MAP2K6: variants seen among roughly 807,000 people sequenced by gnomAD.
MAP2K6 encodes the protein dual specificity mitogen-activated protein kinase kinase 6.
In MAP2K6, 16 loss-of-function variants were observed where a neutral mutation model predicts 53.7. That is an observed-to-expected ratio of 0.30 (90% CI 0.20 to 0.45). The LOEUF is 0.45. Ranked by LOEUF, MAP2K6 falls within the 20% of genes least tolerant of loss-of-function variation. MAP2K6 has a pLI of 1.00. For missense variants in MAP2K6, 204 were observed against 411.9 expected (o/e 0.50, Z 4.37); for synonymous variants, 132 against 143.1 (o/e 0.92, Z 0.55).
At chr17:69,496,131 A>G (rs1389306545) in intron 1 of MAP2K6, among the ~76,000 whole-genome samples, 1 of 152,010 alleles carries the variant, frequency 6.6e-6, no homozygotes, top group East Asian at 1.9e-4. Context: ...AACCCATTTG[A>G]GCACTTTTAT....
chr17:69,453,098 G>A (rs1173766103), intron 1 of MAP2K6, among the ~76,000 whole-genome samples: 1 of 152,200 alleles, frequency 6.6e-6, no homozygotes, highest in African/African-American at 2.4e-5. Flanking sequence ...ATTACCTGAT[G>A]ACGCAGAGCA....
rs1385618951 is a variant in MAP2K6, at chr17:69,494,722, T to G, written c.17-11058T>G. 6.6e-6 allele frequency among the ~76,000 whole-genome samples: 1 copy of G among 151,660 alleles called. No individual in the cohort carries two copies. Among genetic ancestry groups the G allele is most frequent in the Non-Finnish European group, 1.5e-5 (1 of 67,884 alleles). On this transcript the variant is annotated intron_variant, in intron 1 of 11. Coordinates refer to ENST00000590474, the MANE Select transcript of MAP2K6 (RefSeq NM_002758.4). This position sits in a 1 kb window ranked among gnomAD's most constrained non-coding sequence, Gnocchi z 4.2. ...GGTGATCAGAGTGCTATTAAAATTG[T>G]GGGCCGGGCGTGGTGGCTCATGCCT...
intron 1 of MAP2K6, among the ~76,000 whole-genome samples, chr17:69,417,906 A>G (rs1905955980): frequency 6.6e-6 from 1 of 152,214 alleles, no homozygotes; most frequent in Non-Finnish European, 1.5e-5. Flanking sequence ...TTCACCTTTA[A>G]AAAATATTAG....
chr17:69,465,033 G>C (rs1039772054), intron 1 of MAP2K6, among the ~76,000 whole-genome samples: 1 of 152,002 alleles, frequency 6.6e-6, no homozygotes, highest in African/African-American at 2.4e-5. Context: ...ATTTATTTAA[G>C]AGAATAAATA....
chr17:69,488,854 G>C (rs1908643040), intron 1 of MAP2K6, among the ~76,000 whole-genome samples: 1 of 152,110 alleles, frequency 6.6e-6, no homozygotes, highest in South Asian at 2.1e-4. Context: ...CCAAACCTCA[G>C]CATCATAAAA....
intron 1 of MAP2K6, among the ~76,000 whole-genome samples, chr17:69,436,860 C>T (rs1338244206): frequency 6.6e-6 from 1 of 151,608 alleles, no homozygotes; most frequent in Non-Finnish European, 1.5e-5. Flanking sequence ...CTCACTCTGT[C>T]ACCCAGGCTG....
rs186326832 is a variant in MAP2K6 at position 69,449,034 on chromosome 17, G to A, written c.16+34034G>A. Among the ~76,000 whole-genome samples the A allele has an allele frequency of 2.6e-3, 389 of 152,288 alleles. 2 individuals are homozygous for A. The highest frequency in any genetic ancestry group is 9.1e-3 in the African/African-American group (380 of 41,560). On this transcript the variant is annotated intron_variant, in intron 1 of 11. Transcript: ENST00000590474. ...TTGAAAGGGATACTACCGATCTTTC[G>A]ATGACAGTGGAGAAAAGCTGTAAAG...
chr17:69,485,017 G>A (rs1334532426), intron 1 of MAP2K6, among the ~76,000 whole-genome samples: 1 of 151,976 alleles, frequency 6.6e-6, no homozygotes, highest in African/African-American at 2.4e-5. Flanking sequence ...TGTGATGATG[G>A]TTGCACAGCT....
intron 1 of MAP2K6, among the ~76,000 whole-genome samples, chr17:69,476,359 C>T (rs191417569): frequency 5.3e-5 from 8 of 152,162 alleles, no homozygotes; most frequent in East Asian, 1.9e-4. Flanking sequence ...ATTCCAGGGC[C>T]GGGGCGTGAA....
intron 1 of MAP2K6, among the ~76,000 whole-genome samples, chr17:69,455,119 C>T (rs1907362405): frequency 1.3e-5 from 2 of 151,462 alleles, no homozygotes; most frequent in Admixed American, 1.3e-4. Context: ...TTTTTAATGC[C>T]TATTGCAACT....
At chr17:69,440,382 G>T (rs1906778410) in intron 1 of MAP2K6, among the ~76,000 whole-genome samples, 1 of 152,072 alleles carries the variant, frequency 6.6e-6, no homozygotes, top group African/African-American at 2.4e-5. Context: ...CAATCAGTAT[G>T]CCTTACTTCC....
At chr17:69,492,540 A>G (rs1332844956) in intron 1 of MAP2K6, among the ~76,000 whole-genome samples, 1 of 152,210 alleles carries the variant, frequency 6.6e-6, no homozygotes. Flanking sequence ...TCTGGAGGCC[A>G]GAAGTCTACA....
At position 69,494,719 on chromosome 17, in the gene MAP2K6, T is replaced by C. The variant is rs926482225; in HGVS notation, c.17-11061T>C. Among the ~76,000 whole-genome samples, 10 of 150,810 alleles carry C rather than the reference T, an allele frequency of 6.6e-5. No individual in the cohort carries two copies. The highest frequency in any genetic ancestry group is 1.3e-4 in the Non-Finnish European group (9 of 67,646). On this transcript the variant is annotated intron_variant, in intron 1 of 11. Transcript: ENST00000590474. This position sits in a 1 kb window ranked among gnomAD's most constrained non-coding sequence, Gnocchi z 4.2. ...GGAGGTGATCAGAGTGCTATTAAAA[T>C]TGTGGGCCGGGCGTGGTGGCTCATG...
In MAP2K6 at chr17:69,552,103, A is replaced by G; in HGVS notation, c.*10350A>G. The stretch of plus-strand genomic sequence containing the variant: ...CTTCTGTAAATTTTGTGATAGACAC[A>G]TGTTATTTGTATATATGATTGATTG... On this transcript the variant is annotated 3_prime_UTR_variant, in exon 12 of 12. Coordinates refer to ENST00000590474, the MANE Select transcript of MAP2K6 (RefSeq NM_002758.4). 6.6e-6 allele frequency: 1 copy of G among 152,230 alleles called. No homozygotes were observed. Among genetic ancestry groups the G allele is most frequent in the East Asian group, 1.9e-4 (1 of 5,206 alleles). The allele number at this position is 152,230 out of a possible 1,614,324, so 9.4% of individuals were successfully genotyped here.
intron 10 of MAP2K6, among the ~76,000 whole-genome samples, chr17:69,529,678 T>A (rs1910978115): frequency 1.3e-5 from 2 of 148,474 alleles, no homozygotes; most frequent in Non-Finnish European, 1.5e-5. Context: ...GCCCGGCTAA[T>A]TTTTTGTATT....
rs549636117 is a variant in MAP2K6, at chr17:69,457,435, AG to A, written c.16+42439del. On this transcript the variant is annotated intron_variant, in intron 1 of 11. Transcript: ENST00000590474. Reference sequence around the variant, plus strand: ...TAGGAGCTCAAGTTGGAATTTTCATAGGGGATCCTCTTCTTATTAAAGTCTG... The same window carrying A: ...TAGGAGCTCAAGTTGGAATTTTCATAGGGATCCTCTTCTTATTAAAGTCTG... 2.8e-4 allele frequency among the ~76,000 whole-genome samples: 43 copies of A among 152,294 alleles called. 1 individual carries two copies. In the South Asian group the frequency reaches 8.9e-3, roughly 32 times the overall value.
At chr17:69,536,742 T>C (rs1191876171) in intron 11 of MAP2K6, among the ~76,000 whole-genome samples, 1 of 152,204 alleles carries the variant, frequency 6.6e-6, no homozygotes, top group Non-Finnish European at 1.5e-5. Flanking sequence ...GAAAGTAATA[T>C]CTTAGCATTG....
At chr17:69,502,346 T>C in intron 1 of MAP2K6, 4 of 985,458 alleles carry the variant, frequency 4.1e-6, no homozygotes, top group Non-Finnish European at 4.8e-6. Flanking sequence ...TGGTCTTCCT[T>C]GCAGCCTCGA....
intron 10 of MAP2K6, among the ~76,000 whole-genome samples, chr17:69,528,375 T>C (rs963770205): frequency 2.0e-5 from 3 of 152,168 alleles, no homozygotes; most frequent in Admixed American, 6.5e-5. Context: ...TTAAAAGATA[T>C]ATCTTCTAGG....
Sources: allele counts gnomAD v4.1 joint callset (sites outside exome capture counted in the v4.1 genomes callset), GRCh38; gene constraint gnomAD v4.1.1; non-coding constraint Gnocchi (gnomAD v3.1); transcripts MANE v1.5; gene names NCBI Gene and HGNC (gene_info 2026-07-23, HGNC 2026-07-21).